SNAPC1: variants seen among roughly 807,000 people sequenced by gnomAD.
SNAPC1 encodes snRNA-activating protein complex subunit 1.
SNAPC1 carries 42 observed loss-of-function variants against 50.1 expected under a neutral mutation model. That is an observed-to-expected ratio of 0.84 (90% CI 0.65 to 1.08). SNAPC1 has a LOEUF of 1.08. SNAPC1 is among the 50% of genes least tolerant of loss of function. The pLI is 0.00. For synonymous variants in SNAPC1, 164 were observed against 144.2 expected, an observed-to-expected ratio of 1.14 and a Z score of -0.98; for missense variants, 477 against 427.3, an observed-to-expected ratio of 1.12 and a Z score of -1.02.
intron 8 of SNAPC1, among the ~76,000 whole-genome samples, chr14:61,782,627 T>C (rs1297929239): frequency 6.6e-6 from 1 of 152,168 alleles, no homozygotes; most frequent in Non-Finnish European, 1.5e-5. Flanking sequence ...AATTTTGGCC[T>C]GGCCGGGTGC....
chr14:61,769,630 C>G (rs2044973868), intron 4 of SNAPC1, among the ~76,000 whole-genome samples: 1 of 152,030 alleles, frequency 6.6e-6, no homozygotes, highest in African/African-American at 2.4e-5. Context: ...ATCTCCTGAC[C>G]TGGTGATCTG....
At chr14:61,768,995 A>G (rs1486631675) in intron 4 of SNAPC1, among the ~76,000 whole-genome samples, 1 of 152,218 alleles carries the variant, frequency 6.6e-6, no homozygotes, top group Non-Finnish European at 1.5e-5. Context: ...TACTAAAACT[A>G]TTGTTTGTAT....
chr14:61,779,306 A>G (rs1163663371), intron 7 of SNAPC1, among the ~76,000 whole-genome samples: 1 of 151,908 alleles, frequency 6.6e-6, no homozygotes, highest in Non-Finnish European at 1.5e-5. Flanking sequence ...ACTCATGGTG[A>G]CCTCCTTTCA....
intron 1 of SNAPC1, among the ~76,000 whole-genome samples, chr14:61,763,485 GCTT>G (rs1209769458): frequency 1.2e-5 from 1 of 85,468 alleles, no homozygotes; most frequent in African/African-American, 3.8e-5. Flanking sequence ...TCCAGCAGCT[GCTT>G]TTTTTTTTTT....
chr14:61,782,704 G>A (rs1012469638), intron 8 of SNAPC1, among the ~76,000 whole-genome samples: 1 of 152,130 alleles, frequency 6.6e-6, no homozygotes, highest in Admixed American at 6.5e-5. Context: ...GAGGTCAGGA[G>A]TTCAAGTCCA....
intron 8 of SNAPC1, among the ~76,000 whole-genome samples, chr14:61,782,851 A>T (rs1185703293): frequency 1.3e-5 from 2 of 152,004 alleles, no homozygotes; most frequent in African/African-American, 4.8e-5. Context: ...GGTTGCAGTG[A>T]GCTGAGATCA....
rs1434655538 is a variant in SNAPC1 at position 61,792,826 on chromosome 14, CA to C, written c.998del (p.Lys333ArgfsTer6). On this transcript the variant is annotated frameshift_variant, in exon 9 of 10. Transcript: ENST00000216294. LOFTEE classifies it high-confidence loss of function. ...TTCTAGGCAATGTGCAGAATATACA[CA>C]AGGAAGATAAACCTTTAAGTCTGAG... ...RNKGNVQNIH[K>X]EDKPLSLSMP... 6.3e-7 allele frequency: 1 copy of C among 1,579,260 alleles called. No homozygotes were observed. The highest frequency in any genetic ancestry group is 2.3e-5 in the East Asian group (1 of 44,006).
rs1444947807 is a variant in SNAPC1, at chr14:61,778,836, T to C, written c.763-12T>C. The C allele has an allele frequency of 2.6e-6, 4 of 1,541,686 alleles. No homozygotes were observed. The highest frequency in any genetic ancestry group is 2.5e-5 in the South Asian group (2 of 81,482). ...TGTTTTAACTTTTTTTTCCTTCTTA[T>C]TTTACATCCAGAGATGTGAAAGGGC... On this transcript the variant is annotated splice_polypyrimidine_tract_variant and intron_variant, in intron 6 of 9. Transcript: ENST00000216294.
intron 8 of SNAPC1, among the ~76,000 whole-genome samples, chr14:61,784,820 ATTTAACGTTGCTCTTAAAG>A (rs1366262945): frequency 6.6e-6 from 1 of 152,242 alleles, no homozygotes; most frequent in Non-Finnish European, 1.5e-5. Flanking sequence ...TCACAGTTTT[ATTTAACGTTGCTCTTAAAG>A]AGCTAGTCAG....
At chr14:61,762,922 C>G (rs2044917521) in intron 1 of SNAPC1, among the ~76,000 whole-genome samples, 1 of 148,898 alleles carries the variant, frequency 6.7e-6, no homozygotes, top group Non-Finnish European at 1.5e-5. Context: ...TAAAAACACA[C>G]AAGCAAAGAC....
chr14:61,773,964 C>T (rs775376645), intron 4 of SNAPC1, among the ~76,000 whole-genome samples: 1 of 152,112 alleles, frequency 6.6e-6, no homozygotes, highest in Non-Finnish European at 1.5e-5. Context: ...CTACCTCGGC[C>T]TTCCAAAGTG....
Position 61,766,980 on chromosome 14 carries a change from C to T in SNAPC1, c.233C>T (p.Ala78Val), listed in dbSNP as rs1316135680. The T allele has an allele frequency of 1.2e-6, 2 of 1,610,598 alleles. No individual in the cohort carries two copies. The highest frequency in any genetic ancestry group is 1.7e-5 in the Admixed American group (1 of 60,008). The change falls in exon 2 of 10, where the codon GCT becomes GTT. Residue 78 changes from alanine to valine, a missense_variant. Coordinates refer to ENST00000216294, the MANE Select transcript of SNAPC1 (RefSeq NM_003082.4). Reference protein sequence around the residue: ...PPYTFQIRVGALYLLYGLYNT... With the variant: ...PPYTFQIRVGVLYLLYGLYNT... ...TACACCTTCCAGATCAGAGTTGGTG[C>T]TTTGTATCTGCTATATGGATTATAT...
intron 8 of SNAPC1, among the ~76,000 whole-genome samples, chr14:61,783,338 C>T (rs1566591918): frequency 6.6e-6 from 1 of 151,552 alleles, no homozygotes; most frequent in Admixed American, 6.6e-5. Flanking sequence ...GCCTCCAGTG[C>T]ATATTTTAGT....
At chr14:61,782,839 G>A (rs2045086341) in intron 8 of SNAPC1, among the ~76,000 whole-genome samples, 1 of 152,060 alleles carries the variant, frequency 6.6e-6, no homozygotes, top group African/African-American at 2.4e-5. Context: ...CTGGAAGGCA[G>A]AGGTTGCAGT....
chr14:61,772,266 G>A (rs897693464), intron 4 of SNAPC1, among the ~76,000 whole-genome samples: 12 of 150,762 alleles, frequency 8.0e-5, no homozygotes, highest in Non-Finnish European at 1.3e-4. Flanking sequence ...TTTTTTTTCC[G>A]AGACGGTGTC....
chr14:61,781,907 A>C (rs1224722926), intron 7 of SNAPC1, among the ~76,000 whole-genome samples: 9 of 152,210 alleles, frequency 5.9e-5, no homozygotes, highest in Admixed American at 5.2e-4. Context: ...AAGTACTTCT[A>C]CTTGGAATGC....
intron 1 of SNAPC1, among the ~76,000 whole-genome samples, chr14:61,764,927 T>A (rs2044935727): frequency 6.6e-6 from 1 of 151,380 alleles, no homozygotes; most frequent in South Asian, 2.1e-4. Flanking sequence ...ATAGAGCCCG[T>A]GTTTATGGCT....
chr14:61,783,326 C>T (rs149317195), intron 8 of SNAPC1, among the ~76,000 whole-genome samples: 14 of 151,652 alleles, frequency 9.2e-5, no homozygotes, highest in East Asian at 2.0e-4. Context: ...CCACCGCACG[C>T]GGCCTCCAGT....
intron 8 of SNAPC1, among the ~76,000 whole-genome samples, chr14:61,790,037 G>A (rs898563668): frequency 6.6e-6 from 1 of 152,170 alleles, no homozygotes; most frequent in Non-Finnish European, 1.5e-5. Context: ...AGAGGGGTGA[G>A]ACAAGAATGC....
Sources: allele counts gnomAD v4.1 joint callset (sites outside exome capture counted in the v4.1 genomes callset), GRCh38; gene constraint gnomAD v4.1.1; transcripts MANE v1.5; gene names NCBI Gene and HGNC (gene_info 2026-07-23, HGNC 2026-07-21).